Variants in KATNAL1 observed in about 807,000 individuals in gnomAD.
KATNAL1 encodes the protein katanin p60 ATPase-containing subunit A-like 1.
KATNAL1 carries 32 observed loss-of-function variants against 55.2 expected under a neutral mutation model. The observed-to-expected ratio is 0.58, with a 90% CI of 0.44 to 0.78. KATNAL1 has a LOEUF of 0.78. Among genes scored for constraint, KATNAL1 ranks in the 30% least tolerant of loss-of-function variants. The probability of loss-of-function intolerance (pLI) is 0.00; values close to 1 mark genes in which losing one functional copy is unlikely to be tolerated. For missense variants in KATNAL1, 466 were observed against 600.9 expected (o/e 0.78, Z 2.35); for synonymous variants, 193 against 193.6 (o/e 1.00, Z 0.02).
Position 30,240,534 on chromosome 13 carries a change from T to G in KATNAL1, c.652A>C (p.Lys218Gln). 1 of 1,613,692 alleles carries G rather than the reference T, an allele frequency of 6.2e-7. No homozygotes were observed. Among genetic ancestry groups the G allele is most frequent in the Non-Finnish European group, 8.5e-7 (1 of 1,179,684 alleles). Reference protein sequence around the residue: ...DDIADLEEAKKLLREAVVLPM... With the variant: ...DDIADLEEAKQLLREAVVLPM... Reference sequence around the variant, plus strand: ...AGAACAACAGCTTCCCTTAGCAACTTCTTAGCTTCTTCCAGATCTGCTATG... The same window carrying G: ...AGAACAACAGCTTCCCTTAGCAACTGCTTAGCTTCTTCCAGATCTGCTATG... The change falls in exon 6 of 11, where the codon AAG (lysine) becomes CAG (glutamine). Residue 218 changes from lysine (K) to glutamine (Q), a missense_variant. Lys to Gln is a moderately conservative substitution (Grantham distance 53). This residue lies in a region of KATNAL1 where 248 missense variants were observed against 275.5 expected (regional missense o/e 0.90). Coordinates refer to ENST00000380615, the MANE Select transcript of KATNAL1 (RefSeq NM_032116.5).
At chr13:30,269,909 C>T (rs1801472150) in intron 3 of KATNAL1, among the ~76,000 whole-genome samples, 1 of 151,158 alleles carries the variant, frequency 6.6e-6, no homozygotes, top group African/African-American at 2.4e-5. Context: ...GGGGGTCAGC[C>T]CCCTGCCCGG....
At chr13:30,283,087 G>A (rs536329982) in intron 2 of KATNAL1, among the ~76,000 whole-genome samples, 10 of 151,644 alleles carry the variant, frequency 6.6e-5, no homozygotes, top group Admixed American at 5.9e-4. Context: ...GGCCAACATG[G>A]TGAAACCCTG....
intron 3 of KATNAL1, among the ~76,000 whole-genome samples, chr13:30,274,952 C>CACACAG (rs1555265663): frequency 7.0e-4 from 101 of 144,540 alleles, no homozygotes; most frequent in African/African-American, 2.5e-3. Context: ...CACACACACA[C>CACACAG]AGGAATATTA....
In KATNAL1 at chr13:30,208,448, G is replaced by C; in HGVS notation, c.*92C>G. ...TCCTTTAAGCGAAAACCACTCCACT[G>C]AAAAAAATTCCAAACTTGTTTTTTA... On this transcript the variant is annotated 3_prime_UTR_variant, in exon 11 of 11. Coordinates refer to ENST00000380615, the MANE Select transcript of KATNAL1 (RefSeq NM_032116.5). The C allele has an allele frequency of 2.6e-6, 3 of 1,164,650 alleles. No individual in the cohort carries two copies. Among genetic ancestry groups the C allele is most frequent in the South Asian group, 1.8e-5 (1 of 55,558 alleles). 72.1% of individuals were successfully genotyped at this position (1,164,650 alleles called of 1,614,324 possible).
At chr13:30,296,529 A>C in intron 1 of KATNAL1, 1 of 735,156 alleles carries the variant, frequency 1.4e-6, no homozygotes, top group Admixed American at 1.8e-5. Context: ...GGGCCTCTTT[A>C]TCATTGATGG....
At position 30,267,051 on chromosome 13, in the gene KATNAL1, G is replaced by A. The variant is rs547097459; in HGVS notation, c.324-11436C>T. On this transcript the variant is annotated intron_variant, in intron 3 of 10. Coordinates refer to ENST00000380615, the MANE Select transcript of KATNAL1 (RefSeq NM_032116.5). ...CAATCATTTTGAGAGTGGGGCAAGG[G>A]GTGTGAAAACTACTAAACCTTTCAC... Among the ~76,000 whole-genome samples, 95 of 152,160 alleles carry A rather than the reference G, an allele frequency of 6.2e-4. 1 individual carries two copies. Among genetic ancestry groups the A allele is most frequent in the African/African-American group, 2.3e-3 (94 of 41,492 alleles).
intron 3 of KATNAL1, among the ~76,000 whole-genome samples, chr13:30,261,713 A>G (rs1325627583): frequency 6.6e-6 from 1 of 152,262 alleles, no homozygotes; most frequent in African/African-American, 2.4e-5. Flanking sequence ...CCAGATTCAT[A>G]CAGCAAGTCC....
Position 30,210,164 on chromosome 13 carries a change from T to TA in KATNAL1, c.1274+151dup, listed in dbSNP as rs56110946. 9.6e-4 allele frequency: 453 copies of TA among 470,838 alleles called. 1 individual carries two copies. Among genetic ancestry groups the TA allele is most frequent in the East Asian group, 6.3e-3 (175 of 27,612 alleles). 29.2% of individuals were successfully genotyped at this position (470,838 alleles called of 1,614,324 possible). A position where few individuals can be genotyped will look rare whatever the true frequency, so the allele number is the denominator to read the frequency against. Reference sequence around the variant, plus strand: ...TCACAATGAAAAATAAAGTTATATGTAAAAAAAAAGGGACAAATGGGAAAC... The same window carrying TA: ...TCACAATGAAAAATAAAGTTATATGTAAAAAAAAAAGGGACAAATGGGAAAC... On this transcript the variant is annotated intron_variant, in intron 10 of 10. Transcript: ENST00000380615.
chr13:30,228,526 T>A (rs980564374), intron 8 of KATNAL1, among the ~76,000 whole-genome samples: 1 of 152,230 alleles, frequency 6.6e-6, no homozygotes, highest in Non-Finnish European at 1.5e-5. Context: ...TAAATTTGTA[T>A]TCAGTGATTT....
intron 1 of KATNAL1, among the ~76,000 whole-genome samples, chr13:30,294,244 A>G (rs1163379414): frequency 2.0e-5 from 3 of 152,242 alleles, no homozygotes; most frequent in African/African-American, 7.2e-5. Context: ...AGATAGGGCA[A>G]GAGGTAGATC....
chr13:30,287,543 A>C (rs1324722940), intron 1 of KATNAL1, among the ~76,000 whole-genome samples: 2 of 152,230 alleles, frequency 1.3e-5, no homozygotes, highest in Non-Finnish European at 1.5e-5. Flanking sequence ...TCATAGCAGC[A>C]TGAGAATGGA....
chr13:30,288,412 T>C (rs937969223), intron 1 of KATNAL1, among the ~76,000 whole-genome samples: 1 of 152,198 alleles, frequency 6.6e-6, no homozygotes, highest in Non-Finnish European at 1.5e-5. Flanking sequence ...GCTGAAACTG[T>C]AGTTTGAACT....
At chr13:30,263,951 C>A (rs1167236293) in intron 3 of KATNAL1, among the ~76,000 whole-genome samples, 1 of 150,156 alleles carries the variant, frequency 6.7e-6, no homozygotes, top group Non-Finnish European at 1.5e-5. Flanking sequence ...AAGCTGGAGG[C>A]ATCACACTAC....
chr13:30,241,538 G>C (rs1421179944), intron 4 of KATNAL1, among the ~76,000 whole-genome samples: 1 of 152,102 alleles, frequency 6.6e-6, no homozygotes, highest in East Asian at 1.9e-4. Context: ...TTATGCTATG[G>C]TTTCTATGGG....
intron 1 of KATNAL1, among the ~76,000 whole-genome samples, chr13:30,292,633 T>G (rs762748912): frequency 3.9e-5 from 6 of 152,188 alleles, no homozygotes; most frequent in Non-Finnish European, 7.3e-5. Flanking sequence ...ACTTGGTACC[T>G]CCCTTCATCC....
intron 9 of KATNAL1, among the ~76,000 whole-genome samples, chr13:30,222,921 C>T (rs1186026880): frequency 6.6e-6 from 1 of 151,704 alleles, no homozygotes. Flanking sequence ...GGCGAAACCC[C>T]GTCTCTACTA....
chr13:30,243,884 T>A (rs1186699780), intron 4 of KATNAL1, among the ~76,000 whole-genome samples: 1 of 152,198 alleles, frequency 6.6e-6, no homozygotes, highest in African/African-American at 2.4e-5. Context: ...TTGCCTGATT[T>A]CAATGGCCCA....
At position 30,213,478 on chromosome 13, in the gene KATNAL1, A is replaced by T. The variant is rs564205456; in HGVS notation, c.1148-3036T>A. 3.6e-3 allele frequency among the ~76,000 whole-genome samples: 542 copies of T among 152,184 alleles called. 5 individuals carry two copies. The highest frequency in any genetic ancestry group is 5.0e-3 in the Non-Finnish European group (341 of 67,970). The stretch of plus-strand genomic sequence containing the variant: ...GGGCAGAGACACACCCAAAAAAGAG[A>T]ATTTTAGACCAATATCCTTGATGAA... On this transcript the variant is annotated intron_variant, in intron 9 of 10. Coordinates refer to ENST00000380615, the MANE Select transcript of KATNAL1 (RefSeq NM_032116.5).
At chr13:30,301,380 C>CA (rs1007621584) in intron 1 of KATNAL1, among the ~76,000 whole-genome samples, 12 of 151,782 alleles carry the variant, frequency 7.9e-5, no homozygotes, top group South Asian at 2.1e-4. Flanking sequence ...AAAAAACAAA[C>CA]AAAAAAAACC....
Sources: allele counts gnomAD v4.1 joint callset (sites outside exome capture counted in the v4.1 genomes callset), GRCh38; gene constraint gnomAD v4.1.1; regional missense constraint gnomAD v4.1.1; transcripts MANE v1.5; gene names NCBI Gene and HGNC (gene_info 2026-07-23, HGNC 2026-07-21).